PODXL2: variants seen among roughly 807,000 people sequenced by gnomAD.
PODXL2 encodes podocalyxin-like protein 2.
PODXL2 carries 17 observed loss-of-function variants against 53.4 expected under a neutral mutation model. That is an observed-to-expected ratio of 0.32 (90% CI 0.22 to 0.48). PODXL2 has a LOEUF of 0.48. Among genes scored for constraint, PODXL2 ranks in the 20% least tolerant of loss-of-function variants. The pLI is 0.99. For missense variants in PODXL2, 673 were observed against 760.0 expected (o/e 0.89, Z 1.35); for synonymous variants, 311 against 306.7 (o/e 1.01, Z -0.15).
intron 4 of PODXL2, among the ~76,000 whole-genome samples, chr3:127,667,425 A>C (rs2074800077): frequency 6.6e-6 from 1 of 152,240 alleles, no homozygotes; most frequent in Admixed American, 6.5e-5. Context: ...GGGTATCTGC[A>C]GCAGGCTGTG....
At chr3:127,642,957 A>C (rs2074630078) in intron 2 of PODXL2, among the ~76,000 whole-genome samples, 2 of 152,108 alleles carry the variant, frequency 1.3e-5, no homozygotes. Flanking sequence ...TGAGGTTCAC[A>C]CACCATCATA....
chr3:127,629,266 C>T lies in PODXL2; in HGVS notation c.47C>T (p.Pro16Leu). Residue 16 changes from proline to leucine, a missense_variant, in exon 1 of 8, where the codon CCG becomes CTG. Physicochemically the swap from Pro to Leu is moderately conservative, Grantham distance 98 (BLOSUM62 -3). Transcript: ENST00000342480. This position sits in a 1 kb window ranked among gnomAD's most constrained non-coding sequence, Gnocchi z 6.4. ...RAARLPPLLSPLLLLLVGGAF... is the reference protein window; with the variant it reads ...RAARLPPLLSLLLLLLVGGAF... Reference sequence around the variant, plus strand: ...GCCCGGCTGCCGCCGCTGCTTTCGCCGCTGCTGCTTCTGCTGGTTGGGGGT... The same window carrying T: ...GCCCGGCTGCCGCCGCTGCTTTCGCTGCTGCTGCTTCTGCTGGTTGGGGGT... 5.9e-6 allele frequency: 6 copies of T among 1,014,892 alleles called. No homozygotes were observed. Among genetic ancestry groups the T allele is most frequent in the East Asian group, 9.4e-5 (1 of 10,662 alleles). 62.9% of individuals were successfully genotyped at this position (1,014,892 alleles called of 1,614,324 possible). A position where few individuals can be genotyped will look rare whatever the true frequency, so the allele number is the denominator to read the frequency against.
At chr3:127,661,224 G>A in intron 3 of PODXL2, 65 bp downstream of exon 3, 1 of 1,264,844 alleles carries the variant, frequency 7.9e-7, no homozygotes. Flanking sequence ...CATCCCCAGG[G>A]CTAGTGTGGC....
At chr3:127,646,359 T>C (rs1011895213) in intron 2 of PODXL2, among the ~76,000 whole-genome samples, 1 of 152,046 alleles carries the variant, frequency 6.6e-6, no homozygotes, top group African/African-American at 2.4e-5. Context: ...TCATATTCTA[T>C]GTGGTACTTA....
chr3:127,639,215 C>T, intron 1 of PODXL2, 30 bp from the exon 2 acceptor site: 1 of 1,556,372 alleles, frequency 6.4e-7, no homozygotes, highest in Non-Finnish European at 8.7e-7. Flanking sequence ...TCTAGCCTCC[C>T]CTGACTGTCT....
intron 7 of PODXL2, among the ~76,000 whole-genome samples, chr3:127,672,030 T>G (rs1001179093): frequency 6.6e-6 from 1 of 152,236 alleles, no homozygotes; most frequent in African/African-American, 2.4e-5. Context: ...AAGTGGAGTC[T>G]TCTTAGGGGG....
chr3:127,668,073 T>C (rs1350692699), intron 4 of PODXL2, among the ~76,000 whole-genome samples: 2 of 151,686 alleles, frequency 1.3e-5, no homozygotes, highest in Non-Finnish European at 2.9e-5. Context: ...GTGTACCCAG[T>C]TTCTGGGCTT....
intron 2 of PODXL2, among the ~76,000 whole-genome samples, chr3:127,660,111 G>A (rs1363836898): frequency 6.6e-6 from 1 of 152,158 alleles, no homozygotes; most frequent in Non-Finnish European, 1.5e-5. Context: ...GGCTCTTTTG[G>A]AGGAATGCAA....
chr3:127,658,727 A>G (rs1486381997), intron 2 of PODXL2, among the ~76,000 whole-genome samples: 1 of 152,110 alleles, frequency 6.6e-6, no homozygotes, highest in Non-Finnish European at 1.5e-5. Flanking sequence ...TGCTCCTTAT[A>G]ATTCTAAAAT....
chr3:127,648,490 C>G (rs2074668878), intron 2 of PODXL2, among the ~76,000 whole-genome samples: 1 of 152,156 alleles, frequency 6.6e-6, no homozygotes, highest in African/African-American at 2.4e-5. Context: ...CCTTGTCATT[C>G]TTGTTCTGTG....
chr3:127,640,711 T>A lies in PODXL2; in HGVS notation c.349+1188T>A, dbSNP rs201106371. On this transcript the variant is annotated intron_variant, in intron 2 of 7. Transcript: ENST00000342480. ...AACAAAACTCTATCTCAAAAAAAAATAAAATAAAATAAAAAATAAAAACTA... is the reference window on the plus strand; with the variant it reads ...AACAAAACTCTATCTCAAAAAAAAAAAAAATAAAATAAAAAATAAAAACTA... Among the ~76,000 whole-genome samples the A allele has an allele frequency of 4.3e-5, 6 of 140,626 alleles. No homozygotes were observed. The East Asian group carries it at 6.3e-4, about 15-fold the overall frequency. The allele number at this position is 140,626 out of a possible 152,430, so 92.3% of individuals were successfully genotyped here.
chr3:127,643,960 T>A (rs184030647), intron 2 of PODXL2, among the ~76,000 whole-genome samples: 134 of 152,136 alleles, frequency 8.8e-4, no homozygotes, highest in African/African-American at 2.6e-3. Flanking sequence ...TTAGCTTAAT[T>A]TTTTACATTT....
chr3:127,662,680 C>T (rs541363492), intron 4 of PODXL2, among the ~76,000 whole-genome samples: 1 of 152,206 alleles, frequency 6.6e-6, no homozygotes, highest in South Asian at 2.1e-4. Flanking sequence ...TACATGCTCT[C>T]CACACATGTC....
Position 127,643,682 on chromosome 3 carries a change from A to G in PODXL2, c.349+4159A>G, listed in dbSNP as rs541817765. Among the ~76,000 whole-genome samples, 7 of 152,118 alleles carry G rather than the reference A, an allele frequency of 4.6e-5. No homozygotes were observed. In the East Asian group the frequency reaches 1.4e-3, roughly 29 times the overall value. On this transcript the variant is annotated intron_variant, in intron 2 of 7. Transcript: ENST00000342480. ...GACACAGGGTCTCGCTTTGTACCTC[A>G]GGCTGGAGTGCAGCAGCACAATCTC... is the stretch of plus-strand genomic sequence containing the variant.
At chr3:127,669,635 T>C (rs2074817790) in intron 6 of PODXL2, among the ~76,000 whole-genome samples, 1 of 152,180 alleles carries the variant, frequency 6.6e-6, no homozygotes, top group Non-Finnish European at 1.5e-5. Context: ...CCTGGACATG[T>C]GACTTGGCGT....
At chr3:127,634,076 G>A (rs992289607) in intron 1 of PODXL2, among the ~76,000 whole-genome samples, 1 of 151,970 alleles carries the variant, frequency 6.6e-6, no homozygotes, top group Non-Finnish European at 1.5e-5. Flanking sequence ...GAGCCTTCTC[G>A]CCTTTTCAAA....
chr3:127,657,452 C>T (rs1358038071), intron 2 of PODXL2, among the ~76,000 whole-genome samples: 1 of 152,200 alleles, frequency 6.6e-6, no homozygotes, highest in African/African-American at 2.4e-5. Flanking sequence ...GGCTTGGCTA[C>T]TCCCGCAGCT....
chr3:127,633,698 G>A (rs1329257447), intron 1 of PODXL2, among the ~76,000 whole-genome samples: 1 of 152,074 alleles, frequency 6.6e-6, no homozygotes, highest in Non-Finnish European at 1.5e-5. Context: ...TGAAACAAGG[G>A]ACTCCTCATT....
chr3:127,648,008 ACTT>A (rs1339763933), intron 2 of PODXL2, among the ~76,000 whole-genome samples: 24 of 152,202 alleles, frequency 1.6e-4, no homozygotes, highest in Non-Finnish European at 3.2e-4. Context: ...AAGTGCCTAT[ACTT>A]CATATGTCAT....
Sources: allele counts gnomAD v4.1 joint callset (sites outside exome capture counted in the v4.1 genomes callset), GRCh38; gene constraint gnomAD v4.1.1; non-coding constraint Gnocchi (gnomAD v3.1); transcripts MANE v1.5; gene names NCBI Gene and HGNC (gene_info 2026-07-23, HGNC 2026-07-21).